The following ZNF892 variants were observed in gnomAD, a reference collection of about 807,000 sequenced individuals.
ZNF892 encodes zinc finger protein 892, also known as zinc finger protein 570-like.
the ZNF892 span, among the ~76,000 whole-genome samples, chr2:95,228,561 A>G: frequency 1.3e-5 from 2 of 152,210 alleles, no homozygotes; most frequent in African/African-American, 4.8e-5. Context: ...TTCCCTTTGT[A>G]CTTAATAAAA....
chr2:95,259,963 G>A, the ZNF892 span, among the ~76,000 whole-genome samples: 1 of 152,170 alleles, frequency 6.6e-6, no homozygotes, highest in African/African-American at 2.4e-5. Context: ...GACACCACCA[G>A]GGAGGAGCCG....
At chr2:95,255,412 C>G in the ZNF892 span, among the ~76,000 whole-genome samples, 1 of 152,120 alleles carries the variant, frequency 6.6e-6, no homozygotes, top group East Asian at 1.9e-4. Flanking sequence ...TTAATCCTGA[C>G]TTCTAGTTTG....
the ZNF892 span, chr2:95,208,825 T>G: frequency 2.5e-6 from 1 of 397,656 alleles, no homozygotes; most frequent in South Asian, 1.3e-4. Context: ...TCAGCCCTGA[T>G]GCTTAGACCA....
chr2:95,250,918 CTTAT>C, the ZNF892 span, among the ~76,000 whole-genome samples: 2 of 146,420 alleles, frequency 1.4e-5, no homozygotes, highest in African/African-American at 2.5e-5. Flanking sequence ...GACGTCAATA[CTTAT>C]TTATATAAGC....
the ZNF892 span, chr2:95,208,590 TC>T: frequency 2.5e-6 from 1 of 398,450 alleles, no homozygotes; most frequent in Non-Finnish European, 4.4e-6. Flanking sequence ...GTGTGGCACT[TC>T]CTGCTAGTTT....
chr2:95,218,826 G>T, the ZNF892 span, among the ~76,000 whole-genome samples: 3 of 152,172 alleles, frequency 2.0e-5, no homozygotes, highest in Admixed American at 2.0e-4. Flanking sequence ...CAGTGCATAG[G>T]TGTGGAGAGA....
the ZNF892 span, among the ~76,000 whole-genome samples, chr2:95,221,657 T>C: frequency 6.6e-6 from 1 of 152,226 alleles, no homozygotes; most frequent in Non-Finnish European, 1.5e-5. Flanking sequence ...TATTTTCAAG[T>C]ACTTGTTCTA....
At chr2:95,240,800 G>T in the ZNF892 span, among the ~76,000 whole-genome samples, 1 of 152,196 alleles carries the variant, frequency 6.6e-6, no homozygotes, top group African/African-American at 2.4e-5. Flanking sequence ...CACCTCTGTG[G>T]TTCAGTCAAC....
the ZNF892 span, among the ~76,000 whole-genome samples, chr2:95,236,538 A>AT: frequency 6.6e-6 from 1 of 152,046 alleles, no homozygotes; most frequent in East Asian, 1.9e-4. Context: ...GAATCCATCC[A>AT]TTTTTTTCAT....
chr2:95,210,002 A>G, the ZNF892 span, among the ~76,000 whole-genome samples: 1 of 152,068 alleles, frequency 6.6e-6, no homozygotes, highest in East Asian at 1.9e-4. Context: ...TTGTTTTACC[A>G]GTCATTTTTG....
the ZNF892 span, among the ~76,000 whole-genome samples, chr2:95,209,875 C>T: frequency 6.6e-6 from 1 of 152,140 alleles, no homozygotes; most frequent in South Asian, 2.1e-4. Context: ...GGCATATGAC[C>T]TTAAGGGGCC....
At chr2:95,243,420 G>A in the ZNF892 span, among the ~76,000 whole-genome samples, 2 of 151,294 alleles carry the variant, frequency 1.3e-5, no homozygotes, top group Non-Finnish European at 2.9e-5. Context: ...CCTCTTCCCG[G>A]CCGCCATCCC....
chr2:95,230,599 G>A, the ZNF892 span, among the ~76,000 whole-genome samples: 4 of 152,200 alleles, frequency 2.6e-5, no homozygotes, highest in Non-Finnish European at 5.9e-5. Flanking sequence ...AGCACTCAGC[G>A]ATGGTGAGAC....
chr2:95,220,512 T>G, the ZNF892 span, among the ~76,000 whole-genome samples: 1 of 152,178 alleles, frequency 6.6e-6, no homozygotes, highest in Non-Finnish European at 1.5e-5. Flanking sequence ...CTCCACCTTT[T>G]AGAACTTTCT....
the ZNF892 span, among the ~76,000 whole-genome samples, chr2:95,258,141 AC>A: frequency 6.6e-6 from 1 of 151,794 alleles, no homozygotes; most frequent in Non-Finnish European, 1.5e-5. Flanking sequence ...TGCAGAAATC[AC>A]CCATCTTCTG....
the ZNF892 span, among the ~76,000 whole-genome samples, chr2:95,240,281 G>A: frequency 1.4e-4 from 21 of 152,176 alleles, no homozygotes; most frequent in Non-Finnish European, 2.6e-4. Context: ...GGAGTGACTA[G>A]GCAAATGACT....
the ZNF892 span, among the ~76,000 whole-genome samples, chr2:95,239,144 GAAAAAA>G: frequency 7.9e-6 from 1 of 126,076 alleles, no homozygotes; most frequent in Non-Finnish European, 1.6e-5. Context: ...CGTCTCAAAG[GAAAAAA>G]AAAAAAAAAA....
chr2:95,206,671 G>C, the ZNF892 span, among the ~76,000 whole-genome samples: 1 of 152,174 alleles, frequency 6.6e-6, no homozygotes, highest in Non-Finnish European at 1.5e-5. Context: ...TTTTCTCTTT[G>C]AGAAAAATCC....
the ZNF892 span, among the ~76,000 whole-genome samples, chr2:95,208,376 T>C: frequency 6.6e-6 from 1 of 152,144 alleles, no homozygotes; most frequent in Non-Finnish European, 1.5e-5. Context: ...AGACTTTGAG[T>C]ATTATTTTGA....
Sources: allele counts gnomAD v4.1 joint callset (sites outside exome capture counted in the v4.1 genomes callset), GRCh38; gene constraint gnomAD v4.1.1; transcripts MANE v1.5; gene names NCBI Gene and HGNC (gene_info 2026-07-23, HGNC 2026-07-21).